SLC41A3: variants seen among roughly 807,000 people sequenced by gnomAD.
The protein encoded by SLC41A3 is solute carrier family 41 member 3.
SLC41A3 carries 44 observed loss-of-function variants against 45.4 expected under a neutral mutation model. The observed-to-expected ratio is 0.97, with a 90% CI of 0.76 to 1.25. The LOEUF is 1.25. Among genes scored for constraint, SLC41A3 ranks in the 50% most tolerant of loss-of-function variants. The pLI is 0.00. For missense variants in SLC41A3, 550 were observed against 600.6 expected (o/e 0.92, Z 0.88); for synonymous variants, 256 against 252.4 (o/e 1.01, Z -0.13).
upstream of SLC41A3, among the ~76,000 whole-genome samples, chr3:126,086,985 ACTGT>A (rs1159337679): frequency 1.3e-5 from 2 of 152,156 alleles, no homozygotes; most frequent in Non-Finnish European, 2.9e-5. Flanking sequence ...TAATAAATAA[ACTGT>A]CTTTAAAATC....
chr3:126,080,043 A>G (rs1012199370), intron 1 of SLC41A3, among the ~76,000 whole-genome samples: 17 of 152,220 alleles, frequency 1.1e-4, no homozygotes, highest in African/African-American at 3.6e-4. Context: ...CTAGACCCCT[A>G]TTTCTCACTA....
chr3:126,059,303 A>AG (rs1943917414), intron 2 of SLC41A3, among the ~76,000 whole-genome samples: 1 of 114,658 alleles, frequency 8.7e-6, no homozygotes, highest in African/African-American at 3.3e-5. Flanking sequence ...AGAAAGAAAG[A>AG]AAGAAAGGAA....
intron 1 of SLC41A3, among the ~76,000 whole-genome samples, chr3:126,078,746 G>A (rs1420057698): frequency 6.6e-6 from 1 of 152,032 alleles, no homozygotes; most frequent in Non-Finnish European, 1.5e-5. Context: ...CTAGGCCTGG[G>A]ACCCTACCAG....
intron 10 of SLC41A3, among the ~76,000 whole-genome samples, chr3:126,008,387 GTGTGTGGTGTGGAGTGTGTGGGTTGCAC>G (rs1939342157): frequency 3.3e-5 from 5 of 151,902 alleles, no homozygotes; most frequent in African/African-American, 1.2e-4. Context: ...GTGGTGTGAA[GTGTGTGGTGTGGAGTGTGTGGGTTGCAC>G]TGTGTTGTGG....
chr3:126,077,206 C>A (rs114937954), intron 1 of SLC41A3, among the ~76,000 whole-genome samples: 4,104 of 152,020 alleles, frequency 0.027, 159 homozygotes, highest in African/African-American at 0.09. Flanking sequence ...GGTGAGACCT[C>A]ATCTCTATCA....
intron 1 of SLC41A3, among the ~76,000 whole-genome samples, chr3:126,081,786 C>G (rs973122369): frequency 2.0e-5 from 3 of 152,242 alleles, no homozygotes; most frequent in Non-Finnish European, 2.9e-5. Context: ...CTCCAGGCCA[C>G]ACATCCTCAC....
chr3:126,019,911 A>T (rs941779999), intron 6 of SLC41A3, among the ~76,000 whole-genome samples: 2 of 151,834 alleles, frequency 1.3e-5, no homozygotes, highest in African/African-American at 4.8e-5. Context: ...TCCTGGTGGA[A>T]CTCTGGAGCA....
At position 126,016,761 on chromosome 3, in the gene SLC41A3, A is replaced by G; in HGVS notation, c.860T>C (p.Phe287Ser). The change falls in exon 7 of 11, where the codon TTC becomes TCC. Residue 287 changes from phenylalanine to serine, a missense_variant. Phe to Ser is a radical substitution (Grantham distance 155, BLOSUM62 -2). Transcript: ENST00000360370. ...PIVKILKFGW[F>S]PIILAMVISS... ...GATGACCATGGCCAGGATGATTGGG[A>G]ACCAGCCAAACTTCAGGATCTTCAC... is the stretch of plus-strand genomic sequence containing the variant. The G allele has an allele frequency of 6.2e-7, 1 of 1,612,224 alleles. No homozygotes were observed. Among genetic ancestry groups the G allele is most frequent in the Non-Finnish European group, 8.5e-7 (1 of 1,179,400 alleles).
intron 8 of SLC41A3, among the ~76,000 whole-genome samples, chr3:126,014,619 G>A (rs1431055129): frequency 3.3e-5 from 5 of 152,242 alleles, no homozygotes; most frequent in South Asian, 4.1e-4. Flanking sequence ...GTGAGGACAC[G>A]CTGGGTGGCC....
At chr3:126,100,870 C>G (rs1252172621) in intron 1 of SLC41A3, among the ~76,000 whole-genome samples, 2 of 152,198 alleles carry the variant, frequency 1.3e-5, no homozygotes, top group Non-Finnish European at 2.9e-5. Flanking sequence ...CCACCACTTT[C>G]CTCTCAGCCC....
chr3:126,030,217 T>C (rs1941694701), intron 4 of SLC41A3, among the ~76,000 whole-genome samples: 1 of 140,126 alleles, frequency 7.1e-6, no homozygotes, highest in Non-Finnish European at 1.6e-5. Flanking sequence ...ACCTTTTATG[T>C]TTAAACAATA....
intron 1 of SLC41A3, among the ~76,000 whole-genome samples, chr3:126,090,606 T>C (rs1945471614): frequency 6.6e-6 from 1 of 152,230 alleles, no homozygotes. Context: ...ATTACTCTTA[T>C]AATTGTCAAA....
intron 3 of SLC41A3, among the ~76,000 whole-genome samples, chr3:126,049,138 CA>C (rs900855993): frequency 4.0e-5 from 6 of 151,820 alleles, no homozygotes; most frequent in African/African-American, 1.2e-4. Context: ...TCATGTTTTA[CA>C]TATTTTAAGA....
Position 126,026,698 on chromosome 3 carries a change from G to A in SLC41A3, c.454-219C>T, listed in dbSNP as rs1211409343. ...CTCCGAAACCACGCTGGCCACCTCT[G>A]CTCCCTTGCTAGGCACTGCCTTCAA... On this transcript the variant is annotated intron_variant, in intron 4 of 10. Coordinates refer to ENST00000360370, the MANE Select transcript of SLC41A3 (RefSeq NM_017836.4). This position sits in a 1 kb window ranked among gnomAD's most constrained non-coding sequence, Gnocchi z 4.2. 6.6e-6 allele frequency among the ~76,000 whole-genome samples: 1 copy of A among 152,142 alleles called. No individual in the cohort carries two copies. The highest frequency in any genetic ancestry group is 1.5e-5 in the Non-Finnish European group (1 of 68,032).
intron 1 of SLC41A3, chr3:126,092,422 A>G (rs1945506911): frequency 6.6e-6 from 1 of 152,274 alleles, no homozygotes; most frequent in Non-Finnish European, 1.5e-5. Flanking sequence ...TATCTATAGA[A>G]ACAATGCTAA....
intron 5 of SLC41A3, chr3:126,024,138 T>TC (rs1245386156): frequency 1.3e-5 from 2 of 152,238 alleles, no homozygotes; most frequent in Admixed American, 6.5e-5. Flanking sequence ...TGTGATAGCC[T>TC]CTTCAACACT....
upstream of SLC41A3, among the ~76,000 whole-genome samples, chr3:126,086,408 GTTTTTTTTTTTTTT>G (rs57316346): frequency 1.1e-3 from 23 of 21,176 alleles, no homozygotes; most frequent in Admixed American, 5.0e-3. Flanking sequence ...TTGTTTTCTT[GTTTTTTTTTTTTTT>G]TTTTTTTTTT....
At chr3:126,067,632 G>T (rs1011904207) in intron 2 of SLC41A3, 2 of 497,278 alleles carry the variant, frequency 4.0e-6, no homozygotes, top group Admixed American at 4.7e-5. Flanking sequence ...CAGTGTGTGG[G>T]ACTTTGTTAT....
intron 2 of SLC41A3, among the ~76,000 whole-genome samples, chr3:126,059,305 A>AG (rs1361738100): frequency 1.5e-3 from 214 of 138,114 alleles, no homozygotes; most frequent in Middle Eastern, 3.7e-3. Context: ...AAAGAAAGAA[A>AG]GAAAGGAAGG....
Sources: gnomAD v4.1 joint callset for allele counts (sites outside exome capture counted in the v4.1 genomes callset) on GRCh38, gnomAD v4.1.1 for gene constraint, Gnocchi (gnomAD v3.1) non-coding constraint, MANE v1.5 for transcripts, NCBI Gene and HGNC (gene_info 2026-07-23, HGNC 2026-07-21) for gene names.